The following CEBPB variants were observed in gnomAD, a reference collection of about 807,000 sequenced individuals.
CEBPB encodes the protein CCAAT enhancer binding protein beta.
For missense variants in CEBPB, 498 were observed against 533.1 expected (o/e 0.93, Z 0.65); for synonymous variants, 295 against 267.1 (o/e 1.10, Z -1.02).
At position 50,191,801 on chromosome 20, in the gene CEBPB, C is replaced by G. The variant is rs746501523; in HGVS notation, c.768C>G (p.Pro256=). Residue 256 remains proline, a synonymous_variant, in exon 1 of 1, where the codon CCC becomes CCG. Coordinates refer to ENST00000303004, the MANE Select transcript of CEBPB (RefSeq NM_005194.4). Reference sequence around the variant, plus strand: ...GCTACGCGGGGGCCGCGCCGGCGCCCTCGCAGGTCAAGAGCAAGGCCAAGA... The same window carrying G: ...GCTACGCGGGGGCCGCGCCGGCGCCGTCGCAGGTCAAGAGCAAGGCCAAGA... ...TACYAGAAPA[P]SQVKSKAKKT... 6.4e-7 allele frequency: 1 copy of G among 1,563,766 alleles called. No homozygotes were observed. Among genetic ancestry groups the G allele is most frequent in the South Asian group, 1.2e-5 (1 of 85,486 alleles).
In CEBPB at chr20:50,191,240, C is replaced by A; in HGVS notation, c.207C>A (p.His69Gln). 4.7e-6 allele frequency: 6 copies of A among 1,290,006 alleles called. No individual in the cohort carries two copies. Among genetic ancestry groups the A allele is most frequent in the East Asian group, 3.5e-5 (1 of 28,624 alleles). 79.9% of individuals were successfully genotyped at this position (1,290,006 alleles called of 1,614,324 possible). A position where few individuals can be genotyped will look rare whatever the true frequency, so the allele number is the denominator to read the frequency against. The change falls in exon 1 of 1, where the codon CAC (histidine) becomes CAA (glutamine). Residue 69 changes from histidine to glutamine, a missense_variant. Physicochemically the swap from His to Gln is conservative, Grantham distance 24. Coordinates refer to ENST00000303004, the MANE Select transcript of CEBPB (RefSeq NM_005194.4). The part of the protein sequence containing the change: ...PAGELGSIGD[H>Q]ERAIDFSPYL... Reference sequence around the variant, plus strand: ...GCGAGCTGGGCAGCATCGGCGACCACGAGCGCGCCATCGACTTCAGCCCGT... The same window carrying A: ...GCGAGCTGGGCAGCATCGGCGACCAAGAGCGCGCCATCGACTTCAGCCCGT...
At position 50,190,967 on chromosome 20, in the gene CEBPB, A is replaced by G. The variant is rs2081571171; in HGVS notation, c.-67A>G. On this transcript the variant is annotated 5_prime_UTR_variant, in exon 1 of 1. Coordinates refer to ENST00000303004, the MANE Select transcript of CEBPB (RefSeq NM_005194.4). ...GCAGCGGCGACAGCTCAGAGCAGGG[A>G]GGCCGCGCCACCTGCGGGCCGGCCG... is the stretch of plus-strand genomic sequence containing the variant. 1.6e-5 allele frequency: 22 copies of G among 1,393,464 alleles called. No homozygotes were observed. The highest frequency in any genetic ancestry group is 2.0e-5 in the Non-Finnish European group (22 of 1,078,302). The allele number at this position is 1,393,464 out of a possible 1,614,324, so 86.3% of individuals were successfully genotyped here. A position where few individuals can be genotyped will look rare whatever the true frequency, so the allele number is the denominator to read the frequency against.
Position 50,191,224 on chromosome 20 carries a change from G to C in CEBPB, c.191G>C (p.Gly64Ala). The change falls in exon 1 of 1, where the codon GGC becomes GCC. Residue 64 changes from glycine to alanine, a missense_variant. Transcript: ENST00000303004. ...PGPRPPAGEL[G>A]SIGDHERAID... ...CCGCGCCCCCCCGCCGGCGAGCTGGGCAGCATCGGCGACCACGAGCGCGCC... is the reference window on the plus strand; with the variant it reads ...CCGCGCCCCCCCGCCGGCGAGCTGGCCAGCATCGGCGACCACGAGCGCGCC... 1 of 1,293,228 alleles carries C rather than the reference G, an allele frequency of 7.7e-7. No homozygotes were observed. The highest frequency in any genetic ancestry group is 9.8e-7 in the Non-Finnish European group (1 of 1,021,460). 80.1% of individuals were successfully genotyped at this position (1,293,228 alleles called of 1,614,324 possible). A position where few individuals can be genotyped will look rare whatever the true frequency, so the allele number is the denominator to read the frequency against.
Position 50,190,863 on chromosome 20 carries a change from G to T in CEBPB, c.-171G>T. 1.3e-6 allele frequency: 1 copy of T among 751,436 alleles called. No homozygotes were observed. Among genetic ancestry groups the T allele is most frequent in the African/African-American group, 1.9e-5 (1 of 53,834 alleles). 46.5% of individuals were successfully genotyped at this position (751,436 alleles called of 1,614,324 possible). A position where few individuals can be genotyped will look rare whatever the true frequency, so the allele number is the denominator to read the frequency against. ...AGAGCCGCGCACGGGACTGGGAAGG[G>T]GACCCACCCGAGGGTCCAGCCACCA... On this transcript the variant is annotated 5_prime_UTR_variant, in exon 1 of 1. Transcript: ENST00000303004.
In CEBPB at chr20:50,191,459, G is replaced by A. The variant is rs1202129967; in HGVS notation, c.426G>A (p.Leu142=). 8.0e-6 allele frequency: 12 copies of A among 1,498,466 alleles called. No individual in the cohort carries two copies. Among genetic ancestry groups the A allele is most frequent in the Middle Eastern group, 1.7e-4 (1 of 5,744 alleles). 92.8% of individuals were successfully genotyped at this position (1,498,466 alleles called of 1,614,324 possible). A position where few individuals can be genotyped will look rare whatever the true frequency, so the allele number is the denominator to read the frequency against. ...CGGCCGAGTACGGCTACGTGAGCCT[G>A]GGGCGCCTGGGGGCCGCCAAGGGCG... ...KKPAEYGYVS[L]GRLGAAKGAL... is the part of the protein sequence containing the mutation. The change falls in exon 1 of 1, where the codon CTG becomes CTA. Residue 142 remains leucine, a synonymous_variant. Coordinates refer to ENST00000303004, the MANE Select transcript of CEBPB (RefSeq NM_005194.4).
At position 50,191,296 on chromosome 20, in the gene CEBPB, C is replaced by G. The variant is rs2081574705; in HGVS notation, c.263C>G (p.Pro88Arg). 3.8e-6 allele frequency: 5 copies of G among 1,320,294 alleles called. No individual in the cohort carries two copies. The highest frequency in any genetic ancestry group is 3.8e-5 in the South Asian group (2 of 52,526). 81.8% of individuals were successfully genotyped at this position (1,320,294 alleles called of 1,614,324 possible). A position where few individuals can be genotyped will look rare whatever the true frequency, so the allele number is the denominator to read the frequency against. Reference sequence around the variant, plus strand: ...GAGCCGCTGGGCGCGCCGCAGGCCCCGGCGCCCGCCACGGCCACGGACACC... The same window carrying G: ...GAGCCGCTGGGCGCGCCGCAGGCCCGGGCGCCCGCCACGGCCACGGACACC... ...YLEPLGAPQA[P>R]APATATDTFE... The change falls in exon 1 of 1, where the codon CCG becomes CGG. Residue 88 changes from proline (P) to arginine (R), a missense_variant. Coordinates refer to ENST00000303004, the MANE Select transcript of CEBPB (RefSeq NM_005194.4).
Position 50,191,021 on chromosome 20 carries a change from G to A in CEBPB, c.-13G>A. ...CGGGCAGCCCCAGGCCCCCTCCCCGGGCACCCGCGTTCATGCAACGCCTGG... is the reference window on the plus strand; with the variant it reads ...CGGGCAGCCCCAGGCCCCCTCCCCGAGCACCCGCGTTCATGCAACGCCTGG... On this transcript the variant is annotated 5_prime_UTR_variant, in exon 1 of 1. Coordinates refer to ENST00000303004, the MANE Select transcript of CEBPB (RefSeq NM_005194.4). 6.6e-7 allele frequency: 1 copy of A among 1,511,290 alleles called. No individual in the cohort carries two copies. Among genetic ancestry groups the A allele is most frequent in the South Asian group, 1.2e-5 (1 of 82,336 alleles). The allele number at this position is 1,511,290 out of a possible 1,614,324, so 93.6% of individuals were successfully genotyped here.
upstream of CEBPB, chr20:50,190,728 G>C (rs1397664366): frequency 1.2e-5 from 3 of 240,450 alleles, no homozygotes; most frequent in Non-Finnish European, 2.4e-5. Context: ...GGGCGGCCGC[G>C]GCCGTGTCCT....
chr20:50,191,366 C>T lies in CEBPB; in HGVS notation c.333C>T (p.Ser111=), dbSNP rs1297664830. The change falls in exon 1 of 1, where the codon TCC becomes TCT. Residue 111 remains serine, a synonymous_variant. Coordinates refer to ENST00000303004, the MANE Select transcript of CEBPB (RefSeq NM_005194.4). ...PPAPAPAPAS[S]GQHHDFLSDL... ...CGCCCGCCCCCGCGCCCGCCTCCTC[C>T]GGGCAGCACCACGACTTCCTCTCCG... 3 of 1,478,590 alleles carry T rather than the reference C, an allele frequency of 2.0e-6. No homozygotes were observed. The highest frequency in any genetic ancestry group is 1.8e-4 in the Middle Eastern group (1 of 5,710). The allele number at this position is 1,478,590 out of a possible 1,614,324, so 91.6% of individuals were successfully genotyped here. A position where few individuals can be genotyped will look rare whatever the true frequency, so the allele number is the denominator to read the frequency against.
upstream of CEBPB, chr20:50,190,784 T>C (rs2081569658): frequency 3.0e-6 from 1 of 337,684 alleles, no homozygotes; most frequent in Non-Finnish European, 5.3e-6. Context: ...GACGCAGCGG[T>C]TGCTACGGGC....
In CEBPB at chr20:50,191,808, G is replaced by T. The variant is rs1370147348; in HGVS notation, c.775G>T (p.Val259Phe). The change falls in exon 1 of 1, where the codon GTC becomes TTC. Residue 259 changes from valine (V) to phenylalanine (F), a missense_variant. By Grantham distance (50) the Val-to-Phe change is conservative (BLOSUM62 -1). Coordinates refer to ENST00000303004, the MANE Select transcript of CEBPB (RefSeq NM_005194.4). ...YAGAAPAPSQ[V>F]KSKAKKTVDK... The stretch of plus-strand genomic sequence containing the variant: ...GGGGGCCGCGCCGGCGCCCTCGCAG[G>T]TCAAGAGCAAGGCCAAGAAGACCGT... 1.3e-6 allele frequency: 2 copies of T among 1,575,232 alleles called. No homozygotes were observed.
At position 50,191,081 on chromosome 20, in the gene CEBPB, G is replaced by A. The variant is rs778412840; in HGVS notation, c.48G>A (p.Pro16=). 2.6e-6 allele frequency: 4 copies of A among 1,554,842 alleles called. No individual in the cohort carries two copies. Among genetic ancestry groups the A allele is most frequent in the East Asian group, 2.6e-5 (1 of 38,414 alleles). The part of the protein sequence containing the change: ...AWDPACLPLP[P]PPPAFKSMEV... ...ACCCAGCATGTCTCCCCCTGCCGCC[G>A]CCGCCGCCTGCCTTTAAATCCATGG... The change falls in exon 1 of 1, where the codon CCG becomes CCA. Residue 16 remains proline, a synonymous_variant. Transcript: ENST00000303004.
Position 50,191,161 on chromosome 20 carries a change from A to AGGCGGCCCCCGC in CEBPB, c.133_144dup (p.Ala45_Ala48dup), listed in dbSNP as rs1568673229. The AGGCGGCCCCCGC allele has an allele frequency of 4.0e-6, 6 of 1,487,518 alleles. No individual in the cohort carries two copies. The South Asian group carries it at 6.3e-5, about 16-fold the overall frequency. The allele number at this position is 1,487,518 out of a possible 1,614,324, so 92.1% of individuals were successfully genotyped here. On this transcript the variant is annotated inframe_insertion, in exon 1 of 1. Transcript: ENST00000303004. ...TGCTTGGCTGCTGCGTACGGCGGCA[A>AGGCGGCCCCCGC]GGCGGCCCCCGCGGCGCCCCCCGCG...
At position 50,191,204 on chromosome 20, in the gene CEBPB, C is replaced by G; in HGVS notation, c.171C>G (p.Arg57=). The change falls in exon 1 of 1, where the codon CGC becomes CGG. Residue 57 remains arginine, a synonymous_variant. Coordinates refer to ENST00000303004, the MANE Select transcript of CEBPB (RefSeq NM_005194.4). The part of the protein sequence containing the change: ...AAPPAARPGP[R]PPAGELGSIG... ...CCCCCGCGGCCAGACCCGGGCCGCG[C>G]CCCCCCGCCGGCGAGCTGGGCAGCA... 1.5e-6 allele frequency: 2 copies of G among 1,301,514 alleles called. No individual in the cohort carries two copies. The highest frequency in any genetic ancestry group is 2.2e-5 in the South Asian group (1 of 45,744). 80.6% of individuals were successfully genotyped at this position (1,301,514 alleles called of 1,614,324 possible). A position where few individuals can be genotyped will look rare whatever the true frequency, so the allele number is the denominator to read the frequency against.
chr20:50,190,875 G>C lies in CEBPB; in HGVS notation c.-159G>C. ...GGGACTGGGAAGGGGACCCACCCGAGGGTCCAGCCACCAGCCCCCTCACTA... is the reference window on the plus strand; with the variant it reads ...GGGACTGGGAAGGGGACCCACCCGACGGTCCAGCCACCAGCCCCCTCACTA... On this transcript the variant is annotated 5_prime_UTR_variant, in exon 1 of 1. Transcript: ENST00000303004. 1.1e-6 allele frequency: 1 copy of C among 887,128 alleles called. No individual in the cohort carries two copies. Among genetic ancestry groups the C allele is most frequent in the Non-Finnish European group, 1.5e-6 (1 of 651,096 alleles). 55.0% of individuals were successfully genotyped at this position (887,128 alleles called of 1,614,324 possible). A position where few individuals can be genotyped will look rare whatever the true frequency, so the allele number is the denominator to read the frequency against.
chr20:50,191,306 C>G lies in CEBPB; in HGVS notation c.273C>G (p.Ala91=). 4.4e-6 allele frequency: 6 copies of G among 1,351,242 alleles called. No individual in the cohort carries two copies. The highest frequency in any genetic ancestry group is 5.7e-6 in the Non-Finnish European group (6 of 1,045,330). The allele number at this position is 1,351,242 out of a possible 1,614,324, so 83.7% of individuals were successfully genotyped here. A position where few individuals can be genotyped will look rare whatever the true frequency, so the allele number is the denominator to read the frequency against. Residue 91 remains alanine, a synonymous_variant, in exon 1 of 1, where the codon GCC becomes GCG. Transcript: ENST00000303004. The part of the protein sequence containing the change: ...PLGAPQAPAP[A]TATDTFEAAP... Reference sequence around the variant, plus strand: ...GCGCGCCGCAGGCCCCGGCGCCCGCCACGGCCACGGACACCTTCGAGGCGG... The same window carrying G: ...GCGCGCCGCAGGCCCCGGCGCCCGCGACGGCCACGGACACCTTCGAGGCGG...
rs1405777201 is a variant in CEBPB at position 50,191,349 on chromosome 20, C to A, written c.316C>A (p.Pro106Thr). The change falls in exon 1 of 1, where the codon CCC (proline) becomes ACC (threonine). Residue 106 changes from proline (P) to threonine (T), a missense_variant. By Grantham distance (38) the Pro-to-Thr change is conservative. Coordinates refer to ENST00000303004, the MANE Select transcript of CEBPB (RefSeq NM_005194.4). ...CGAGGCGGCTCCGCCCGCGCCCGCCCCCGCGCCCGCCTCCTCCGGGCAGCA... is the reference window on the plus strand; with the variant it reads ...CGAGGCGGCTCCGCCCGCGCCCGCCACCGCGCCCGCCTCCTCCGGGCAGCA... The part of the protein sequence containing the change: ...TFEAAPPAPA[P>T]APASSGQHHD... The A allele has an allele frequency of 6.9e-7, 1 of 1,454,122 alleles. No homozygotes were observed. Among genetic ancestry groups the A allele is most frequent in the Admixed American group, 2.4e-5 (1 of 41,282 alleles). The allele number at this position is 1,454,122 out of a possible 1,614,324, so 90.1% of individuals were successfully genotyped here.
chr20:50,192,051 G>A lies in CEBPB; in HGVS notation c.1018G>A (p.Ala340Thr), dbSNP rs766233869. ...CAAGCAGCTGCCCGAGCCCCTGCTC[G>A]CCTCCTCCGGCCACTGCTAGCGCGG... ...LFKQLPEPLLASSGHC is the reference protein window; with the variant it reads ...LFKQLPEPLLTSSGHC The change falls in exon 1 of 1, where the codon GCC becomes ACC. Residue 340 changes from alanine to threonine, a missense_variant. By Grantham distance (58) the Ala-to-Thr change is moderately conservative. Transcript: ENST00000303004. The A allele has an allele frequency of 3.2e-6, 5 of 1,579,816 alleles. No individual in the cohort carries two copies. The highest frequency in any genetic ancestry group is 4.3e-6 in the Non-Finnish European group (5 of 1,165,890).
At position 50,192,274 on chromosome 20, in the gene CEBPB, A is replaced by C; in HGVS notation, c.*203A>C. The C allele has an allele frequency of 4.6e-6, 1 of 217,404 alleles. No individual in the cohort carries two copies. Among genetic ancestry groups the C allele is most frequent in the Non-Finnish European group, 9.4e-6 (1 of 106,216 alleles). The allele number at this position is 217,404 out of a possible 1,614,324, so 13.5% of individuals were successfully genotyped here. On this transcript the variant is annotated 3_prime_UTR_variant, in exon 1 of 1. Coordinates refer to ENST00000303004, the MANE Select transcript of CEBPB (RefSeq NM_005194.4). ...TTGTCCAAACCAACCGCACATGCAG[A>C]TGGGGCTCCCGCCCGTGGTGTTATT... is the stretch of plus-strand genomic sequence containing the variant.
Sources: allele counts gnomAD v4.1 joint callset, GRCh38; gene constraint gnomAD v4.1.1; transcripts MANE v1.5; gene names NCBI Gene and HGNC (gene_info 2026-07-23, HGNC 2026-07-21).